Variants in BABAM2 observed in about 807,000 individuals in gnomAD.
The protein encoded by BABAM2 is BRISC and BRCA1-A complex member 2.
In BABAM2, 31 loss-of-function variants were observed where a neutral mutation model predicts 54.7. That is an observed-to-expected ratio of 0.57 (90% confidence interval 0.43 to 0.77). BABAM2 has a LOEUF of 0.77. BABAM2 is among the 30% of genes least tolerant of loss of function. BABAM2 has a pLI of 0.00. For missense variants in BABAM2, 364 were observed against 455.8 expected (o/e 0.80, Z 1.83); for synonymous variants, 167 against 162.9 (o/e 1.03, Z -0.19).
At chr2:28,037,435 T>C (rs965881530) in intron 5 of BABAM2, among the ~76,000 whole-genome samples, 2 of 152,222 alleles carry the variant, frequency 1.3e-5, no homozygotes, top group Non-Finnish European at 1.5e-5. Context: ...CATTGTATAA[T>C]TGAATTATTA....
intron 11 of BABAM2, among the ~76,000 whole-genome samples, chr2:28,315,465 TC>T (rs1689466383): frequency 7.3e-6 from 1 of 136,594 alleles, no homozygotes; most frequent in East Asian, 2.0e-4. Context: ...TCTTTTCTTT[TC>T]TTTTCTTTTC....
chr2:28,254,736 T>C (rs534550343), intron 10 of BABAM2, among the ~76,000 whole-genome samples: 1 of 148,818 alleles, frequency 6.7e-6, no homozygotes, highest in African/African-American at 2.5e-5. Context: ...CAATTTTTTT[T>C]TTTTTTTTTT....
intron 2 of BABAM2, among the ~76,000 whole-genome samples, chr2:27,911,212 G>A (rs568697796): frequency 6.6e-6 from 1 of 152,176 alleles, no homozygotes; most frequent in East Asian, 1.9e-4. Flanking sequence ...AGTAGTGTGG[G>A]AACAGACTAA....
chr2:28,145,206 A>G (rs886556413), intron 7 of BABAM2, among the ~76,000 whole-genome samples: 2 of 152,168 alleles, frequency 1.3e-5, no homozygotes, highest in South Asian at 2.1e-4. Context: ...AGAAAGATGA[A>G]GCACAGACAG....
chr2:27,921,618 C>G (rs1178324618), intron 2 of BABAM2, among the ~76,000 whole-genome samples: 1 of 152,130 alleles, frequency 6.6e-6, no homozygotes, highest in Non-Finnish European at 1.5e-5. Context: ...GTGCCCTCAT[C>G]TGTAAATTGG....
At chr2:28,043,188 G>T (rs1677268223) in intron 5 of BABAM2, among the ~76,000 whole-genome samples, 1 of 150,448 alleles carries the variant, frequency 6.6e-6, no homozygotes, top group South Asian at 2.1e-4. Context: ...GAGTGCAGTG[G>T]TGTGATCTTG....
At chr2:27,973,020 G>A (rs1159440717) in intron 3 of BABAM2, among the ~76,000 whole-genome samples, 2 of 151,422 alleles carry the variant, frequency 1.3e-5, no homozygotes, top group Non-Finnish European at 2.9e-5. Context: ...CGCCCGCCTC[G>A]GCCTCCCAAA....
At chr2:28,191,540 A>C (rs1482315242) in intron 7 of BABAM2, among the ~76,000 whole-genome samples, 2 of 152,226 alleles carry the variant, frequency 1.3e-5, no homozygotes, top group African/African-American at 2.4e-5. Flanking sequence ...TATCCATTAC[A>C]ATGGAATACG....
chr2:28,060,936 A>C (rs1033492915), intron 6 of BABAM2, among the ~76,000 whole-genome samples: 2 of 152,220 alleles, frequency 1.3e-5, no homozygotes, highest in African/African-American at 4.8e-5. Flanking sequence ...AATTCTAGCA[A>C]GTTGAAATCT....
intron 7 of BABAM2, among the ~76,000 whole-genome samples, chr2:28,162,205 G>A (rs987999501): frequency 7.2e-5 from 11 of 152,104 alleles, no homozygotes; most frequent in African/African-American, 1.4e-4. Context: ...TTAGGCCCAC[G>A]TAAAGAGAGT....
rs1672927844 is a variant in BABAM2, at chr2:28,160,169, T to C, written c.680+30789T>C. 3.3e-5 allele frequency among the ~76,000 whole-genome samples: 5 copies of C among 151,990 alleles called. No individual in the cohort carries two copies. In the South Asian group the frequency reaches 1.0e-3, roughly 32 times the overall value. ...GCTAAGTATTTTTATTTTTGTAGAG[T>C]TGGGGCCTCACTAAGTTGCTCAGGC... is the stretch of plus-strand genomic sequence containing the variant. On this transcript the variant is annotated intron_variant, in intron 7 of 11. Coordinates refer to ENST00000379624, the MANE Select transcript of BABAM2 (RefSeq NM_199191.3).
At chr2:28,252,967 C>A (rs907789569) in intron 10 of BABAM2, among the ~76,000 whole-genome samples, 2 of 152,166 alleles carry the variant, frequency 1.3e-5, no homozygotes, top group African/African-American at 4.8e-5. Context: ...CAGAGTAACT[C>A]TTATGTTATT....
chr2:27,973,430 C>CT (rs879613609), intron 3 of BABAM2, among the ~76,000 whole-genome samples: 31 of 146,646 alleles, frequency 2.1e-4, no homozygotes, highest in Admixed American at 7.5e-4. Flanking sequence ...AGGATGTAAT[C>CT]TTTTTTTTTT....
At chr2:27,905,792 T>C (rs1289111592) in intron 2 of BABAM2, among the ~76,000 whole-genome samples, 1 of 152,144 alleles carries the variant, frequency 6.6e-6, no homozygotes, top group Non-Finnish European at 1.5e-5. Context: ...ATCCAGAGAT[T>C]TTTGATTCTG....
chr2:28,029,391 A>G (rs926151116), intron 5 of BABAM2, among the ~76,000 whole-genome samples: 2 of 152,140 alleles, frequency 1.3e-5, no homozygotes, highest in Admixed American at 6.5e-5. Flanking sequence ...CAGTCACTTT[A>G]CTATTTTATG....
chr2:28,197,305 AG>A (rs1677706966), intron 7 of BABAM2, among the ~76,000 whole-genome samples: 1 of 152,228 alleles, frequency 6.6e-6, no homozygotes, highest in African/African-American at 2.4e-5. Context: ...CAATTTCTCT[AG>A]CCTCTCTGAG....
chr2:28,224,930 G>A (rs1680749484), intron 7 of BABAM2, among the ~76,000 whole-genome samples: 1 of 151,734 alleles, frequency 6.6e-6, no homozygotes, highest in Admixed American at 6.6e-5. Flanking sequence ...TATTTGATGT[G>A]GTTCTTTCCT....
intron 2 of BABAM2, among the ~76,000 whole-genome samples, chr2:27,899,572 A>C (rs997554106): frequency 1.3e-5 from 2 of 151,946 alleles, no homozygotes; most frequent in South Asian, 2.1e-4. Context: ...TTCTGGGTTC[A>C]AGCGATTCTA....
chr2:28,104,805 A>G (rs1667367095), intron 6 of BABAM2, among the ~76,000 whole-genome samples: 1 of 152,212 alleles, frequency 6.6e-6, no homozygotes, highest in African/African-American at 2.4e-5. Context: ...TCCATCAATG[A>G]TAGACTGGAT....
Sources: gnomAD v4.1 joint callset for allele counts (sites outside exome capture counted in the v4.1 genomes callset) on GRCh38, gnomAD v4.1.1 for gene constraint, MANE v1.5 for transcripts, NCBI Gene and HGNC (gene_info 2026-07-23, HGNC 2026-07-21) for gene names.